The following SLC4A4 variants were observed in gnomAD, a reference collection of about 807,000 sequenced individuals.
The protein encoded by SLC4A4 is electrogenic sodium bicarbonate cotransporter 1.
A neutral mutation model predicts 111.5 loss-of-function variants in SLC4A4; 27 were observed. That is an observed-to-expected ratio of 0.24 (90% CI 0.18 to 0.33). SLC4A4 has a LOEUF of 0.33. Ranked by LOEUF, SLC4A4 falls within the 10% of genes least tolerant of loss-of-function variation. The probability of loss-of-function intolerance (pLI) is 1.00; values close to 1 mark genes in which losing one functional copy is unlikely to be tolerated. For synonymous variants in SLC4A4, 443 were observed against 463.4 expected (o/e 0.96, Z 0.57); for missense variants, 909 against 1,315.5 (o/e 0.69, Z 4.78).
At chr4:71,561,264 T>C (rs1348228985) in intron 23 of SLC4A4, among the ~76,000 whole-genome samples, 2 of 151,858 alleles carry the variant, frequency 1.3e-5, no homozygotes, top group African/African-American at 2.4e-5. Context: ...TGTTCCCATT[T>C]TACAGATGAG....
intron 2 of SLC4A4, among the ~76,000 whole-genome samples, chr4:71,132,380 G>A (rs1743730785): frequency 6.6e-6 from 1 of 152,308 alleles, no homozygotes; most frequent in East Asian, 1.9e-4. Context: ...CTTGAAGCAT[G>A]TTCTTCGAAT....
chr4:71,500,615 T>C (rs536415330), intron 16 of SLC4A4, among the ~76,000 whole-genome samples: 1 of 152,266 alleles, frequency 6.6e-6, no homozygotes, highest in South Asian at 2.1e-4. Flanking sequence ...CCACCCTGCG[T>C]GGCCTTAATC....
intron 2 of SLC4A4, among the ~76,000 whole-genome samples, chr4:71,181,083 G>C (rs1745275870): frequency 6.6e-6 from 1 of 151,870 alleles, no homozygotes; most frequent in African/African-American, 2.4e-5. Flanking sequence ...GATGAAGCCG[G>C]AAACCATCAC....
intron 1 of SLC4A4, among the ~76,000 whole-genome samples, chr4:71,072,560 CT>C (rs145944221): frequency 0.085 from 12,759 of 150,770 alleles, 1,889 homozygotes; most frequent in African/African-American, 0.29. Context: ...AGCCTTATGG[CT>C]TTTTTTTTCC....
intron 2 of SLC4A4, among the ~76,000 whole-genome samples, chr4:71,117,296 A>G (rs549155741): frequency 2.6e-5 from 4 of 152,340 alleles, no homozygotes; most frequent in East Asian, 3.9e-4. Context: ...TGTTTTAAAT[A>G]TAAACATAGT....
At chr4:71,395,717 C>A (rs1315181182) in intron 6 of SLC4A4, among the ~76,000 whole-genome samples, 1 of 152,146 alleles carries the variant, frequency 6.6e-6, no homozygotes, top group East Asian at 1.9e-4. Flanking sequence ...GTGCCTATAG[C>A]AAATCAATGA....
chr4:71,471,389 T>A (rs1013848880), intron 13 of SLC4A4, among the ~76,000 whole-genome samples: 3 of 151,918 alleles, frequency 2.0e-5, no homozygotes, highest in African/African-American at 7.2e-5. Context: ...GTGAGGCGAG[T>A]ATAGATATCA....
At position 71,423,109 on chromosome 4, in the gene SLC4A4, C is replaced by T. The variant is rs552883053; in HGVS notation, c.808-17507C>T. Among the ~76,000 whole-genome samples the T allele has an allele frequency of 2.5e-3, 378 of 152,304 alleles. 2 individuals are homozygous for T. Among genetic ancestry groups the T allele is most frequent in the Non-Finnish European group, 4.8e-3 (324 of 68,036 alleles). ...AAACCCCATTGTCTCAGCCCAAAATCTCCTTAAGCTGATAAGCAACTTCAG... is the reference window on the plus strand; with the variant it reads ...AAACCCCATTGTCTCAGCCCAAAATTTCCTTAAGCTGATAAGCAACTTCAG... On this transcript the variant is annotated intron_variant, in intron 7 of 25. Transcript: ENST00000264485.
intron 2 of SLC4A4, among the ~76,000 whole-genome samples, chr4:71,122,330 A>G (rs1560731256): frequency 6.6e-6 from 1 of 151,918 alleles, no homozygotes; most frequent in East Asian, 1.9e-4. Flanking sequence ...AAAAAAAAAA[A>G]AAAAAATTGA....
At chr4:71,093,669 G>T (rs1578473025) in intron 2 of SLC4A4, among the ~76,000 whole-genome samples, 2 of 131,252 alleles carry the variant, frequency 1.5e-5, no homozygotes, top group African/African-American at 2.9e-5. Flanking sequence ...GATTGCTATT[G>T]TTGTTGTTGG....
chr4:71,344,330 A>G (rs1011606214), intron 4 of SLC4A4, among the ~76,000 whole-genome samples: 4 of 152,166 alleles, frequency 2.6e-5, no homozygotes, highest in Non-Finnish European at 4.4e-5. Flanking sequence ...TCAGCTTTTC[A>G]GTAACCTTTA....
intron 7 of SLC4A4, among the ~76,000 whole-genome samples, chr4:71,439,944 G>A (rs986546103): frequency 1.3e-5 from 2 of 151,694 alleles, no homozygotes; most frequent in Non-Finnish European, 2.9e-5. Flanking sequence ...TCTCTCCTTT[G>A]TTCCTTCAGC....
chr4:71,130,874 T>C (rs751745635), intron 2 of SLC4A4, among the ~76,000 whole-genome samples: 2 of 152,138 alleles, frequency 1.3e-5, no homozygotes, highest in African/African-American at 4.8e-5. Flanking sequence ...ATCTTTGTAG[T>C]TGAGAGAGCT....
chr4:71,152,656 C>T (rs1261619493), intron 2 of SLC4A4, among the ~76,000 whole-genome samples: 2 of 152,066 alleles, frequency 1.3e-5, no homozygotes, highest in African/African-American at 4.8e-5. Flanking sequence ...TTCCAATCAG[C>T]TTCCTCAGGT....
At chr4:71,279,404 C>T (rs962146917) in intron 3 of SLC4A4, among the ~76,000 whole-genome samples, 11 of 152,108 alleles carry the variant, frequency 7.2e-5, no homozygotes, top group Middle Eastern at 6.8e-3. Flanking sequence ...TCTGTGTTGT[C>T]GCAAATGACA....
chr4:71,158,766 T>C (rs551607694), intron 2 of SLC4A4, among the ~76,000 whole-genome samples: 13 of 152,316 alleles, frequency 8.5e-5, no homozygotes, highest in African/African-American at 3.1e-4. Context: ...TGTGTTCGTG[T>C]TCTGGGTGAG....
chr4:71,156,588 G>GCACACACACACACACACACA (rs1553957345), intron 2 of SLC4A4, among the ~76,000 whole-genome samples: 2 of 138,512 alleles, frequency 1.4e-5, no homozygotes, highest in African/African-American at 5.5e-5. Context: ...GCGCGCGCGC[G>GCACACACACACACACACACA]CACACACACA....
chr4:71,294,699 G>A (rs1256286543), intron 3 of SLC4A4, among the ~76,000 whole-genome samples: 1 of 152,192 alleles, frequency 6.6e-6, no homozygotes, highest in Non-Finnish European at 1.5e-5. Flanking sequence ...TAGGACCAAA[G>A]ACAGGGACAA....
rs7662824 is a variant in SLC4A4, at chr4:71,111,048, G to C, written c.-2+18256G>C. 4.0e-3 allele frequency among the ~76,000 whole-genome samples: 603 copies of C among 152,118 alleles called. 8 individuals carry two copies. The highest frequency in any genetic ancestry group is 0.014 in the African/African-American group (586 of 41,520). ...GTTCCAGCCACTTGTTCAAAATCTGGGCAACTCCAGCTTCACCTCTCAGTA... is the reference window on the plus strand; with the variant it reads ...GTTCCAGCCACTTGTTCAAAATCTGCGCAACTCCAGCTTCACCTCTCAGTA... On this transcript the variant is annotated intron_variant, in intron 2 of 26. Coordinates refer to the SLC4A4 transcript ENST00000649996.
Sources: gnomAD v4.1 joint callset for allele counts (sites outside exome capture counted in the v4.1 genomes callset) on GRCh38, gnomAD v4.1.1 for gene constraint, MANE v1.5 for transcripts, NCBI Gene and HGNC (gene_info 2026-07-23, HGNC 2026-07-21) for gene names.